Variants in ASTN2 observed in about 807,000 individuals in gnomAD.
The protein encoded by ASTN2 is astrotactin 2, also known as astrotactin-2.
ASTN2 carries 54 observed loss-of-function variants against 139.8 expected under a neutral mutation model. The ratio of observed to expected loss-of-function variants is 0.39; its 90% CI spans 0.31 to 0.48. The LOEUF (loss-of-function observed/expected upper bound fraction) is 0.48, where lower values mean the gene tolerates loss of function less well. Among genes scored for constraint, ASTN2 ranks in the 20% least tolerant of loss-of-function variants. ASTN2 has a pLI of 0.95. For synonymous variants in ASTN2, 756 were observed against 719.5 expected (o/e 1.05, Z -0.81); for missense variants, 1,565 against 1,725.1 (o/e 0.91, Z 1.64).
At chr9:117,161,343 G>A (rs921362561) in intron 3 of ASTN2, among the ~76,000 whole-genome samples, 8 of 152,094 alleles carry the variant, frequency 5.3e-5, no homozygotes, top group Non-Finnish European at 7.4e-5. Flanking sequence ...GAGAGAAAGC[G>A]CTTCCATTGA....
Position 117,253,700 on chromosome 9 carries a change from C to T in ASTN2, c.630+37626G>A, listed in dbSNP as rs537810842. On this transcript the variant is annotated intron_variant, in intron 2 of 22. Transcript: ENST00000313400. ...GAGAATTACAGCAGTTGCCGGCAGT[C>T]GCTGTCCCTCTGACCAGGCAATATC... 6.6e-5 allele frequency among the ~76,000 whole-genome samples: 10 copies of T among 152,268 alleles called. 1 individual carries two copies. In the South Asian group the frequency reaches 1.5e-3, roughly 22 times the overall value.
chr9:116,627,434 GA>G (rs1177744058), intron 17 of ASTN2, among the ~76,000 whole-genome samples: 2 of 152,178 alleles, frequency 1.3e-5, no homozygotes, highest in Non-Finnish European at 2.9e-5. Flanking sequence ...GCCCAAAGAA[GA>G]GAAACATTCA....
At chr9:116,662,210 C>T (rs1274808313) in intron 16 of ASTN2, among the ~76,000 whole-genome samples, 1 of 152,034 alleles carries the variant, frequency 6.6e-6, no homozygotes, top group Non-Finnish European at 1.5e-5. Flanking sequence ...CAAGCTTCTT[C>T]CTCATAGTAG....
rs1838685582 is a variant in ASTN2 at position 117,044,856 on chromosome 9, AATT to A, written c.1277-4894_1277-4892del. 2.6e-5 allele frequency among the ~76,000 whole-genome samples: 4 copies of A among 152,198 alleles called. No individual in the cohort carries two copies. The South Asian group carries it at 8.3e-4, about 32-fold the overall frequency. The stretch of plus-strand genomic sequence containing the variant: ...TGAAGCTTACATGTTAGTGGCAAAG[AATT>A]ATCTCATTGAATCCTCTCAGCTAAG... On this transcript the variant is annotated intron_variant, in intron 5 of 22. Transcript: ENST00000313400.
chr9:117,036,474 C>T (rs762353146), intron 6 of ASTN2, among the ~76,000 whole-genome samples: 1 of 152,158 alleles, frequency 6.6e-6, no homozygotes, highest in Non-Finnish European at 1.5e-5. Context: ...TCATATCTTA[C>T]AGAAAGCAAA....
At chr9:117,302,146 A>G (rs1374273009) in intron 1 of ASTN2, among the ~76,000 whole-genome samples, 1 of 152,146 alleles carries the variant, frequency 6.6e-6, no homozygotes, top group Non-Finnish European at 1.5e-5. Flanking sequence ...CAGCAGTCAC[A>G]GAGATAAAAC....
chr9:117,388,909 A>C (rs988629296), intron 1 of ASTN2, among the ~76,000 whole-genome samples: 5 of 152,194 alleles, frequency 3.3e-5, no homozygotes, highest in African/African-American at 1.2e-4. Context: ...GTCACTCCTC[A>C]TTGACCATAA....
intron 7 of ASTN2, among the ~76,000 whole-genome samples, chr9:116,985,793 G>A (rs1170471332): frequency 1.3e-5 from 2 of 152,122 alleles, no homozygotes; most frequent in South Asian, 2.1e-4. Context: ...TGAGCCTGCC[G>A]GTGAGAGGCT....
chr9:117,254,360 A>G (rs1206082816), intron 2 of ASTN2, among the ~76,000 whole-genome samples: 1 of 152,190 alleles, frequency 6.6e-6, no homozygotes, highest in Non-Finnish European at 1.5e-5. Flanking sequence ...TATTATTGAT[A>G]CATTTTCTTA....
At chr9:117,218,936 G>A (rs1462318192) in intron 2 of ASTN2, among the ~76,000 whole-genome samples, 3 of 152,126 alleles carry the variant, frequency 2.0e-5, no homozygotes, top group African/African-American at 4.8e-5. Context: ...TAATGGACAC[G>A]GGATACTTTG....
In ASTN2 at chr9:116,879,452, C is replaced by T. The variant is rs552931262; in HGVS notation, c.1890-15719G>A. Among the ~76,000 whole-genome samples, 54 of 152,266 alleles carry T rather than the reference C, an allele frequency of 3.5e-4. No individual in the cohort carries two copies. The South Asian group carries it at 0.011, about 31-fold the overall frequency. ...GTTATTATGAGGAAGCAGCTCTGGG[C>T]TCAAACTCTGCTGCTCATTTGCTGA... is the stretch of plus-strand genomic sequence containing the variant. On this transcript the variant is annotated intron_variant, in intron 10 of 22. Transcript: ENST00000313400.
intron 22 of ASTN2, among the ~76,000 whole-genome samples, chr9:116,429,309 A>C (rs935912270): frequency 1.4e-5 from 2 of 138,794 alleles, no homozygotes; most frequent in South Asian, 4.6e-4. Flanking sequence ...ATTGCACTCC[A>C]GCCTGGGCAA....
intron 10 of ASTN2, among the ~76,000 whole-genome samples, chr9:116,956,350 C>T (rs1037031118): frequency 2.7e-5 from 4 of 149,666 alleles, no homozygotes; most frequent in Non-Finnish European, 4.4e-5. Flanking sequence ...CCACCTGCCT[C>T]GGCCTCCCAA....
chr9:117,350,257 A>G (rs1829345208), intron 1 of ASTN2, among the ~76,000 whole-genome samples: 1 of 152,204 alleles, frequency 6.6e-6, no homozygotes, highest in African/African-American at 2.4e-5. Context: ...GAATAGAGAA[A>G]TAAAAAACAA....
intron 16 of ASTN2, among the ~76,000 whole-genome samples, chr9:116,725,185 G>C: frequency 6.6e-6 from 1 of 152,172 alleles, no homozygotes; most frequent in East Asian, 1.9e-4. Flanking sequence ...AGTGGGCAGA[G>C]ACTGGTCTCC....
chr9:117,027,028 G>C (rs866896827), intron 6 of ASTN2, among the ~76,000 whole-genome samples: 18 of 152,148 alleles, frequency 1.2e-4, no homozygotes, highest in African/African-American at 4.3e-4. Flanking sequence ...AGACATTGAA[G>C]AAGTAATTGC....
chr9:116,876,614 C>T (rs1833306777), intron 10 of ASTN2, among the ~76,000 whole-genome samples: 1 of 152,130 alleles, frequency 6.6e-6, no homozygotes, highest in African/African-American at 2.4e-5. Flanking sequence ...TAAGAAATTG[C>T]CACAGCCACT....
chr9:116,507,852 G>A (rs1382438442), intron 19 of ASTN2, among the ~76,000 whole-genome samples: 1 of 151,774 alleles, frequency 6.6e-6, no homozygotes, highest in East Asian at 1.9e-4. Context: ...TACGTACTTG[G>A]GCAAGTTTCA....
intron 1 of ASTN2, among the ~76,000 whole-genome samples, chr9:117,292,665 T>G (rs1169136474): frequency 2.0e-5 from 3 of 152,024 alleles, no homozygotes; most frequent in African/African-American, 7.3e-5. Context: ...CTTGAGGCAG[T>G]ATTCCTACAG....
Sources: gnomAD v4.1 joint callset for allele counts (sites outside exome capture counted in the v4.1 genomes callset) on GRCh38, gnomAD v4.1.1 for gene constraint, MANE v1.5 for transcripts, NCBI Gene and HGNC (gene_info 2026-07-23, HGNC 2026-07-21) for gene names.